Variants in IFFO2 observed in about 807,000 individuals in gnomAD.
IFFO2 encodes the protein intermediate filament family orphan 2.
Under a neutral mutation model 53.5 loss-of-function variants are expected in IFFO2, and 19 were observed. The observed-to-expected ratio is 0.36, with a 90% CI of 0.25 to 0.52. IFFO2 has a LOEUF of 0.52. Ranked by LOEUF, IFFO2 falls within the 20% of genes least tolerant of loss-of-function variation. IFFO2 has a pLI of 0.94. For missense variants in IFFO2, 570 were observed against 727.4 expected (o/e 0.78, Z 2.49); for synonymous variants, 303 against 313.6 (o/e 0.97, Z 0.36).
chr1:18,943,319 G>A (rs972480257), intron 1 of IFFO2, among the ~76,000 whole-genome samples: 5 of 152,158 alleles, frequency 3.3e-5, no homozygotes, highest in African/African-American at 9.7e-5. Context: ...GTTGAAGGAT[G>A]CAGCAAGCAG....
rs1488598780 is a variant in IFFO2 at position 18,917,429 on chromosome 1, T to C, written c.964-387A>G. On this transcript the variant is annotated intron_variant, in intron 4 of 8. Transcript: ENST00000455833. The surrounding 1 kb of genome is among the most constrained non-coding windows in gnomAD (Gnocchi z 5.9). ...CCCTGACAAAGGCTATACGGCCCCA[T>C]GCTGACCAGAGCCCTCCTGCTCACA... Among the ~76,000 whole-genome samples, 1 of 152,158 alleles carries C rather than the reference T, an allele frequency of 6.6e-6. No individual in the cohort carries two copies. Among genetic ancestry groups the C allele is most frequent in the African/African-American group, 2.4e-5 (1 of 41,438 alleles).
chr1:18,911,105 T>G (rs1284415311), intron 7 of IFFO2, among the ~76,000 whole-genome samples: 1 of 151,964 alleles, frequency 6.6e-6, no homozygotes, highest in Non-Finnish European at 1.5e-5. Context: ...TCACTATCAC[T>G]CGAATGTCAG....
intron 1 of IFFO2, among the ~76,000 whole-genome samples, chr1:18,940,659 C>T (rs143418850): frequency 3.9e-5 from 6 of 152,138 alleles, no homozygotes; most frequent in Non-Finnish European, 7.4e-5. Flanking sequence ...GTAGGGTAAT[C>T]CTGGCAAAGA....
At chr1:18,922,694 G>A (rs1039520578) in intron 1 of IFFO2, among the ~76,000 whole-genome samples, 4 of 152,126 alleles carry the variant, frequency 2.6e-5, no homozygotes, top group East Asian at 1.9e-4. Context: ...TCCAGGGCTG[G>A]AGGGCACAGA....
intron 5 of IFFO2, among the ~76,000 whole-genome samples, chr1:18,913,768 TG>T (rs1407498433): frequency 2.0e-5 from 3 of 151,950 alleles, no homozygotes; most frequent in Non-Finnish European, 2.9e-5. Flanking sequence ...AACTGCAGAA[TG>T]GGGGTGGGGG....
chr1:18,915,782 G>A (rs1051717253), intron 5 of IFFO2, among the ~76,000 whole-genome samples: 14 of 152,174 alleles, frequency 9.2e-5, no homozygotes, highest in African/African-American at 3.4e-4. Context: ...AACACAGCCA[G>A]CCCACCAAGG....
Position 18,916,284 on chromosome 1 carries a change from G to A in IFFO2, c.1103+619C>T, listed in dbSNP as rs1936132190. ...CACCGCTTTTTTGGAGGAAGCTTTC[G>A]AAGGAAAGGCAGGAGAATGGCAGAC... On this transcript the variant is annotated intron_variant, in intron 5 of 8. Transcript: ENST00000455833. This position sits in a 1 kb window ranked among gnomAD's most constrained non-coding sequence, Gnocchi z 4.3. Among the ~76,000 whole-genome samples, 1 of 152,126 alleles carries A rather than the reference G, an allele frequency of 6.6e-6. No homozygotes were observed. Among genetic ancestry groups the A allele is most frequent in the South Asian group, 2.1e-4 (1 of 4,828 alleles).
chr1:18,924,411 G>A (rs895044999), intron 1 of IFFO2, among the ~76,000 whole-genome samples: 2 of 152,234 alleles, frequency 1.3e-5, no homozygotes, highest in Non-Finnish European at 2.9e-5. Context: ...TTTCAGTGGG[G>A]AGGGTGTTTC....
chr1:18,917,786 C>T lies in IFFO2; in HGVS notation c.963+576G>A, dbSNP rs1936156860. ...AAGCCCTCTCTGGAAGACAGCCTCA[C>T]TGGCGCTAACCTGATCGCCGTCTCT... is the stretch of plus-strand genomic sequence containing the variant. On this transcript the variant is annotated intron_variant, in intron 4 of 8. Coordinates refer to ENST00000455833, the MANE Select transcript of IFFO2 (RefSeq NM_001136265.2). This position sits in a 1 kb window ranked among gnomAD's most constrained non-coding sequence, Gnocchi z 5.9. 6.6e-6 allele frequency among the ~76,000 whole-genome samples: 1 copy of T among 152,198 alleles called. No individual in the cohort carries two copies. Among genetic ancestry groups the T allele is most frequent in the African/African-American group, 2.4e-5 (1 of 41,436 alleles).
chr1:18,932,055 G>A (rs1420727451), intron 1 of IFFO2, among the ~76,000 whole-genome samples: 1 of 152,224 alleles, frequency 6.6e-6, no homozygotes, highest in Non-Finnish European at 1.5e-5. Context: ...GGCACGTGGT[G>A]AGCAAGAAAG....
chr1:18,946,468 G>T (rs1360121329), intron 1 of IFFO2, among the ~76,000 whole-genome samples: 1 of 140,092 alleles, frequency 7.1e-6, no homozygotes, highest in Non-Finnish European at 1.5e-5. Flanking sequence ...AGGCTGGAGT[G>T]CAGTGGCGAG....
chr1:18,950,563 C>CG (rs1435496191), intron 1 of IFFO2, among the ~76,000 whole-genome samples: 1 of 152,198 alleles, frequency 6.6e-6, no homozygotes, highest in African/African-American at 2.4e-5. Flanking sequence ...AGCCAGGATG[C>CG]AAAACCCTTT....
At chr1:18,933,502 C>T (rs527476676) in intron 1 of IFFO2, among the ~76,000 whole-genome samples, 16 of 152,212 alleles carry the variant, frequency 1.1e-4, no homozygotes, top group Non-Finnish European at 1.8e-4. Context: ...AGGCCAGGCA[C>T]GTTGGCTCAC....
rs1238756540 is a variant in IFFO2, at chr1:18,936,587, T to A, written c.666-15466A>T. Among the ~76,000 whole-genome samples, 1 of 152,256 alleles carries A rather than the reference T, an allele frequency of 6.6e-6. No individual in the cohort carries two copies. Among genetic ancestry groups the A allele is most frequent in the East Asian group, 1.9e-4 (1 of 5,202 alleles). ...TGAGAAAAACAGCAACTCCCAAGGC[T>A]ATTTTGGAAACCTAATATGTACTTT... On this transcript the variant is annotated intron_variant, in intron 1 of 8. Transcript: ENST00000455833. This position sits in a 1 kb window ranked among gnomAD's most constrained non-coding sequence, Gnocchi z 4.5.
chr1:18,908,426 C>A lies in IFFO2; in HGVS notation c.*135G>T. On this transcript the variant is annotated 3_prime_UTR_variant, in exon 9 of 9. Coordinates refer to ENST00000455833, the MANE Select transcript of IFFO2 (RefSeq NM_001136265.2). ...GGAAGGAAGCAGCAGTCCCTCAGGG[C>A]CTCCAGAGAAGGGAGGGCAGAGAAA... The A allele has an allele frequency of 1.5e-6, 1 of 657,364 alleles. No homozygotes were observed. Among genetic ancestry groups the A allele is most frequent in the Admixed American group, 2.4e-5 (1 of 42,216 alleles). The allele number at this position is 657,364 out of a possible 1,614,324, so 40.7% of individuals were successfully genotyped here. A position where few individuals can be genotyped will look rare whatever the true frequency, so the allele number is the denominator to read the frequency against.
In IFFO2 at chr1:18,917,026, T is replaced by C; in HGVS notation, c.980A>G (p.Lys327Arg). The change falls in exon 5 of 9, where the codon AAA becomes AGA. Residue 327 changes from lysine (K) to arginine (R), a missense_variant. Coordinates refer to ENST00000455833, the MANE Select transcript of IFFO2 (RefSeq NM_001136265.2). The surrounding 1 kb of genome is among the most constrained non-coding windows in gnomAD (Gnocchi z 5.9). The stretch of plus-strand genomic sequence containing the variant: ...ATCATCGGAAGCCACCTTACGCTCT[T>C]TCTTTTTGGGGACCACCTGAACCGG... ...SKIFQVVPKK[K>R]ERKVASDDDI... is the part of the protein sequence containing the mutation. The C allele has an allele frequency of 1.3e-6, 2 of 1,552,216 alleles. No individual in the cohort carries two copies. Among genetic ancestry groups the C allele is most frequent in the South Asian group, 2.4e-5 (2 of 84,052 alleles).
rs149947549 is a variant in IFFO2 at position 18,942,628 on chromosome 1, C to T, written c.665+13040G>A. On this transcript the variant is annotated intron_variant, in intron 1 of 8. Transcript: ENST00000455833. ...AGAGAAGGCCCAAATCACGGGCCAA[C>T]AGGAAACATGAAGCAAGAGCAAATG... 8.5e-3 allele frequency among the ~76,000 whole-genome samples: 1,289 copies of T among 152,314 alleles called. 66 individuals carry two copies. Among genetic ancestry groups the T allele is most frequent in the Admixed American group, 0.078 (1,200 of 15,302 alleles).
chr1:18,955,145 T>G (rs1367864066), intron 1 of IFFO2, among the ~76,000 whole-genome samples: 1 of 151,736 alleles, frequency 6.6e-6, no homozygotes, highest in Non-Finnish European at 1.5e-5. Context: ...TTGGTTAGAG[T>G]TTTTCTTTTC....
chr1:18,933,057 C>T (rs757416736), intron 1 of IFFO2, among the ~76,000 whole-genome samples: 3 of 152,236 alleles, frequency 2.0e-5, no homozygotes, highest in Admixed American at 6.5e-5. Context: ...CAAACATTTC[C>T]CAAGTGCTCA....
Sources: gnomAD v4.1 joint callset for allele counts (sites outside exome capture counted in the v4.1 genomes callset) on GRCh38, gnomAD v4.1.1 for gene constraint, Gnocchi (gnomAD v3.1) non-coding constraint, MANE v1.5 for transcripts, NCBI Gene and HGNC (gene_info 2026-07-23, HGNC 2026-07-21) for gene names.